TRPM3: variants seen among roughly 807,000 people sequenced by gnomAD.
The protein encoded by TRPM3 is long transient receptor potential channel 3.
A neutral mutation model predicts 181.2 loss-of-function variants in TRPM3; 77 were observed. That is an observed-to-expected ratio of 0.42 (90% CI 0.35 to 0.51). TRPM3 has a LOEUF of 0.51. Ranked by LOEUF, TRPM3 falls within the 20% of genes least tolerant of loss-of-function variation. The probability of loss-of-function intolerance (pLI) is 0.01; values close to 1 mark genes in which losing one functional copy is unlikely to be tolerated. For missense variants in TRPM3, 1,759 were observed against 2,196.7 expected, an observed-to-expected ratio of 0.80 and a Z score of 3.98; for synonymous variants, 745 against 796.4, an observed-to-expected ratio of 0.94 and a Z score of 1.09.
intron 1 of TRPM3, among the ~76,000 whole-genome samples, chr9:71,019,881 C>T (rs187224511): frequency 2.1e-4 from 32 of 152,018 alleles, no homozygotes; most frequent in Non-Finnish European, 4.1e-4. Context: ...AGAAATAGAC[C>T]CACTCATATA....
At chr9:71,356,100 T>G (rs1032964231) in intron 1 of TRPM3, among the ~76,000 whole-genome samples, 1 of 152,108 alleles carries the variant, frequency 6.6e-6, no homozygotes, top group South Asian at 2.1e-4. Flanking sequence ...TCTCTGCCAC[T>G]CTTGAAATCA....
intron 11 of TRPM3, 66 bp from the exon 12 acceptor site, chr9:70,635,327 G>A (rs1345858636): frequency 7.0e-7 from 1 of 1,429,130 alleles, no homozygotes; most frequent in Non-Finnish European, 9.8e-7. Flanking sequence ...AAGACAAGAA[G>A]GATCTAGAAG....
chr9:70,744,108 A>G (rs918624712), intron 8 of TRPM3, among the ~76,000 whole-genome samples: 3 of 151,974 alleles, frequency 2.0e-5, no homozygotes, highest in Non-Finnish European at 4.4e-5. Context: ...TGGGTGAATC[A>G]CCCGAGGTCA....
intron 9 of TRPM3, among the ~76,000 whole-genome samples, chr9:70,648,209 T>C (rs1564698528): frequency 6.6e-6 from 1 of 152,214 alleles, no homozygotes; most frequent in Admixed American, 6.5e-5. Context: ...GTTTGGTGGC[T>C]TATGCCTGTA....
Position 71,438,549 on chromosome 9 carries a change from T to G in TRPM3, c.183+8104A>C, listed in dbSNP as rs543183442. Among the ~76,000 whole-genome samples, 5 of 152,196 alleles carry G rather than the reference T, an allele frequency of 3.3e-5. No homozygotes were observed. In the East Asian group the frequency reaches 9.7e-4, roughly 29 times the overall value. ...TTAGCAGGGTGTGGTGGCGCATGCA[T>G]GTAGTCCCAGCTACTTGGAAGGCTG... On this transcript the variant is annotated intron_variant, in intron 1 of 24. Coordinates refer to the TRPM3 transcript ENST00000357533.
rs111775014 is a variant in TRPM3, at chr9:70,536,556, G to C, written c.4557C>G (p.Thr1519=). ...ERSKSSRYLA[T]TPFLLEEAPI... ...GAGCCTCTTCTAGAAGAAAGGGTGTGGTGGCTAGGTAGCGGCTACTTTTGG... is the reference window on the plus strand; with the variant it reads ...GAGCCTCTTCTAGAAGAAAGGGTGTCGTGGCTAGGTAGCGGCTACTTTTGG... The change falls in exon 26 of 26, where the codon ACC becomes ACG. Residue 1519 remains threonine (T), a synonymous_variant. Transcript: ENST00000677713. 654 of 1,614,160 alleles carry C rather than the reference G, an allele frequency of 4.1e-4. 2 individuals are homozygous for C. In the African/African-American group the frequency reaches 7.4e-3, roughly 18 times the overall value.
At chr9:71,399,779 C>T (rs2093298861) in intron 1 of TRPM3, among the ~76,000 whole-genome samples, 1 of 152,150 alleles carries the variant, frequency 6.6e-6, no homozygotes, top group Non-Finnish European at 1.5e-5. Context: ...GATCCGCCCG[C>T]CTTGGGCTTC....
At position 71,078,182 on chromosome 9, in the gene TRPM3, C is replaced by T. The variant is rs201541624; in HGVS notation, c.177+42996G>A. 3.9e-5 allele frequency among the ~76,000 whole-genome samples: 6 copies of T among 152,122 alleles called. No individual in the cohort carries two copies. In the East Asian group the frequency reaches 7.7e-4, roughly 20 times the overall value. On this transcript the variant is annotated intron_variant, in intron 1 of 25. Coordinates refer to ENST00000677713, the MANE Select transcript of TRPM3 (RefSeq NM_001366145.2). ...AAACTGCAAACATCTAGAAACCATC[C>T]TCTTTAGATGATTTGTTACATAATT...
chr9:70,586,747 G>A (rs753306671), intron 22 of TRPM3, among the ~76,000 whole-genome samples: 26 of 152,180 alleles, frequency 1.7e-4, no homozygotes, highest in Non-Finnish European at 2.6e-4. Flanking sequence ...CTTGAGAACT[G>A]GAGTTTCATG....
chr9:71,226,826 C>T (rs1214924523), intron 1 of TRPM3, among the ~76,000 whole-genome samples: 1 of 152,006 alleles, frequency 6.6e-6, no homozygotes, highest in African/African-American at 2.4e-5. Flanking sequence ...CTGAACAGAT[C>T]TTCCAGATGG....
At chr9:70,797,358 T>A (rs1055119515) in intron 6 of TRPM3, among the ~76,000 whole-genome samples, 1 of 152,210 alleles carries the variant, frequency 6.6e-6, no homozygotes, top group African/African-American at 2.4e-5. Flanking sequence ...CTGACTTCCC[T>A]AATATAATGA....
chr9:71,078,292 C>T (rs936961499), intron 1 of TRPM3, among the ~76,000 whole-genome samples: 2 of 151,936 alleles, frequency 1.3e-5, no homozygotes. Flanking sequence ...GAAATTTTCT[C>T]CTAGGTATAA....
intron 9 of TRPM3, among the ~76,000 whole-genome samples, chr9:70,663,838 G>C (rs138723576): frequency 0.022 from 3,360 of 152,298 alleles, 75 homozygotes; most frequent in Non-Finnish European, 0.032. Context: ...GATAGCAGTT[G>C]AGTGGCAAGT....
chr9:70,887,129 T>G (rs951671805), intron 1 of TRPM3, among the ~76,000 whole-genome samples: 4 of 152,194 alleles, frequency 2.6e-5, no homozygotes, highest in African/African-American at 9.7e-5. Flanking sequence ...CTTGGATCTC[T>G]GCACACAGGT....
At chr9:70,987,700 G>A (rs551649753) in intron 1 of TRPM3, among the ~76,000 whole-genome samples, 4 of 152,050 alleles carry the variant, frequency 2.6e-5, no homozygotes, top group Non-Finnish European at 4.4e-5. Context: ...TCTAGTAATC[G>A]ATTGACTAGG....
At chr9:70,813,859 T>C (rs560826624) in intron 6 of TRPM3, among the ~76,000 whole-genome samples, 2 of 152,322 alleles carry the variant, frequency 1.3e-5, no homozygotes, top group South Asian at 2.1e-4. Flanking sequence ...TTAAGGGTTG[T>C]CATAAGAACT....
chr9:71,215,867 A>G (rs1301941433), intron 1 of TRPM3, among the ~76,000 whole-genome samples: 2 of 152,228 alleles, frequency 1.3e-5, no homozygotes, highest in East Asian at 1.9e-4. Flanking sequence ...CAGGAAGTTA[A>G]TATCACTGAG....
At chr9:71,320,598 C>G (rs1927942) in intron 1 of TRPM3, among the ~76,000 whole-genome samples, 1 of 152,164 alleles carries the variant, frequency 6.6e-6, no homozygotes, top group Non-Finnish European at 1.5e-5. Context: ...GATTAACTCC[C>G]TTGACCCAGT....
At chr9:71,091,874 G>T (rs999214630) in intron 1 of TRPM3, among the ~76,000 whole-genome samples, 1 of 151,994 alleles carries the variant, frequency 6.6e-6, no homozygotes, top group Admixed American at 6.6e-5. Flanking sequence ...AATGATTAAG[G>T]TATATAGGAG....
Sources: allele counts gnomAD v4.1 joint callset (sites outside exome capture counted in the v4.1 genomes callset), GRCh38; gene constraint gnomAD v4.1.1; transcripts MANE v1.5; gene names NCBI Gene and HGNC (gene_info 2026-07-23, HGNC 2026-07-21).